The following ALDH1A1 variants were observed in gnomAD, a reference collection of about 807,000 sequenced individuals.
ALDH1A1 encodes the protein aldehyde dehydrogenase 1A1.
Under a neutral mutation model 62.1 loss-of-function variants are expected in ALDH1A1, and 19 were observed. The observed-to-expected ratio is 0.31, with a 90% CI of 0.21 to 0.45. The LOEUF is 0.45. ALDH1A1 is among the 20% of genes least tolerant of loss of function. ALDH1A1 has a pLI of 1.00. For synonymous variants in ALDH1A1, 231 were observed against 215.9 expected (o/e 1.07, Z -0.61); for missense variants, 521 against 607.1 (o/e 0.86, Z 1.49).
intron 8 of ALDH1A1, among the ~76,000 whole-genome samples, chr9:72,917,354 C>T (rs1049836500): frequency 6.6e-6 from 1 of 151,722 alleles, no homozygotes; most frequent in African/African-American, 2.4e-5. Flanking sequence ...ATGGACATCA[C>T]CAAGAATGTA....
intron 1 of ALDH1A1, among the ~76,000 whole-genome samples, chr9:72,945,632 G>A (rs762468895): frequency 6.6e-6 from 1 of 151,898 alleles, no homozygotes; most frequent in Non-Finnish European, 1.5e-5. Context: ...ACTAAAGGCC[G>A]CTGGGAGTCA....
intron 1 of ALDH1A1, among the ~76,000 whole-genome samples, chr9:72,944,278 T>C (rs1255693431): frequency 6.6e-6 from 1 of 152,058 alleles, no homozygotes; most frequent in East Asian, 1.9e-4. Context: ...TCACAGGCTT[T>C]TGAAGGAGAG....
intron 2 of ALDH1A1, among the ~76,000 whole-genome samples, chr9:72,939,193 C>T (rs907727722): frequency 4.7e-4 from 72 of 152,216 alleles, no homozygotes; most frequent in African/African-American, 1.7e-3. Context: ...TCTACTCTGC[C>T]ATCTCATCAT....
At chr9:72,917,350 A>G (rs1306235797) in intron 8 of ALDH1A1, among the ~76,000 whole-genome samples, 1 of 152,136 alleles carries the variant, frequency 6.6e-6, no homozygotes, top group African/African-American at 2.4e-5. Context: ...TAATATGGAC[A>G]TCACCAAGAA....
intron 1 of ALDH1A1, among the ~76,000 whole-genome samples, chr9:72,941,961 A>G (rs1415577061): frequency 6.6e-6 from 1 of 152,166 alleles, no homozygotes; most frequent in Non-Finnish European, 1.5e-5. Flanking sequence ...TAGATGTGCA[A>G]AAATACATAT....
chr9:72,911,902 A>C (rs372316685), intron 10 of ALDH1A1, 56 bp downstream of exon 10: 1 of 1,597,204 alleles, frequency 6.3e-7, no homozygotes, highest in Non-Finnish European at 8.6e-7. Context: ...CTTTGTATAC[A>C]CACAAACAGA....
intron 7 of ALDH1A1, among the ~76,000 whole-genome samples, chr9:72,921,943 G>A (rs1215873561): frequency 6.6e-6 from 1 of 152,040 alleles, no homozygotes; most frequent in African/African-American, 2.4e-5. Flanking sequence ...GAGAGGGAAC[G>A]TGTGGGAGCA....
chr9:72,906,109 T>C, intron 11 of ALDH1A1, 77 bp from the exon 12 acceptor site: 2 of 1,059,638 alleles, frequency 1.9e-6, no homozygotes, highest in Non-Finnish European at 2.8e-6. Context: ...TTTTAGAAAT[T>C]TGGAAAGCTC....
At chr9:72,918,948 C>CT (rs889147224) in intron 7 of ALDH1A1, 126 bp from the exon 8 acceptor site, 3,157 of 554,126 alleles carry the variant, frequency 5.7e-3, no homozygotes, top group South Asian at 0.011. Context: ...CACCAAATGG[C>CT]TTTTTTTTTT....
chr9:72,920,990 GT>G (rs369603608), intron 7 of ALDH1A1, among the ~76,000 whole-genome samples: 2 of 152,214 alleles, frequency 1.3e-5, no homozygotes, highest in African/African-American at 4.8e-5. Flanking sequence ...GCTCACGCCT[GT>G]AATCCCAGCA....
intron 2 of ALDH1A1, among the ~76,000 whole-genome samples, chr9:72,934,990 C>T (rs1279647988): frequency 6.6e-6 from 1 of 152,128 alleles, no homozygotes; most frequent in Non-Finnish European, 1.5e-5. Flanking sequence ...TCTGGGTCTA[C>T]AATGGGCAAT....
chr9:72,927,872 G>C (rs538909481), intron 4 of ALDH1A1, among the ~76,000 whole-genome samples: 54 of 151,658 alleles, frequency 3.6e-4, no homozygotes, highest in Non-Finnish European at 6.6e-4. Context: ...ATCTAAATTT[G>C]ACCAATTTAT....
At chr9:72,931,946 T>A (rs1375787185) in intron 2 of ALDH1A1, among the ~76,000 whole-genome samples, 2 of 152,258 alleles carry the variant, frequency 1.3e-5, no homozygotes, top group Non-Finnish European at 2.9e-5. Flanking sequence ...ACTCAATTTC[T>A]TTCTCTGTTG....
chr9:72,932,083 C>A (rs201447684), intron 2 of ALDH1A1, among the ~76,000 whole-genome samples: 3 of 152,194 alleles, frequency 2.0e-5, no homozygotes, highest in Admixed American at 6.5e-5. Context: ...ACAGAACATA[C>A]CTACTACTAC....
In ALDH1A1 at chr9:72,928,985, T is replaced by G. The variant is rs771830533; in HGVS notation, c.349A>C (p.Asn117His). 17 of 1,613,762 alleles carry G rather than the reference T, an allele frequency of 1.1e-5. No homozygotes were observed. Among genetic ancestry groups the G allele is most frequent in the Non-Finnish European group, 1.4e-5 (16 of 1,179,856 alleles). The stretch of plus-strand genomic sequence containing the variant: ...CCTGCTAAATCATTCAGATATGCAT[T>G]GGAATAGAGTTTTCCACCATTCATT... ...ESMNGGKLYS[N>H]AYLNDLAGCI... The change falls in exon 4 of 13, where the codon AAT becomes CAT. Residue 117 changes from asparagine to histidine, a missense_variant. By Grantham distance (68) the Asn-to-His change is moderately conservative. Coordinates refer to ENST00000297785, the MANE Select transcript of ALDH1A1 (RefSeq NM_000689.5).
chr9:72,918,796 G>A lies in ALDH1A1; in HGVS notation c.774C>T (p.Ala258=). 4 of 1,613,790 alleles carry A rather than the reference G, an allele frequency of 2.5e-6. No homozygotes were observed. The highest frequency in any genetic ancestry group is 3.4e-6 in the Non-Finnish European group (4 of 1,179,896). Residue 258 remains alanine, a synonymous_variant, in exon 8 of 13, where the codon GCC becomes GCT. Coordinates refer to ENST00000297785, the MANE Select transcript of ALDH1A1 (RefSeq NM_000689.5). The stretch of plus-strand genomic sequence containing the variant: ...TCACCCTCTTCAGATTGCTTTTCCC[G>A]GCAGCTTCTTTGATCAACTTGCCAA... The part of the protein sequence containing the change: ...TEVGKLIKEA[A]GKSNLKRVTL...
chr9:72,932,445 C>A (rs1403574333), intron 2 of ALDH1A1, among the ~76,000 whole-genome samples: 5 of 152,078 alleles, frequency 3.3e-5, no homozygotes, highest in Non-Finnish European at 2.9e-5. Flanking sequence ...GTATTTATCA[C>A]CAAAATAATA....
At chr9:72,908,499 A>T (rs1829910793) in intron 11 of ALDH1A1, among the ~76,000 whole-genome samples, 1 of 106,128 alleles carries the variant, frequency 9.4e-6, no homozygotes, top group Non-Finnish European at 1.9e-5. Flanking sequence ...AAAGAGAGAG[A>T]GAGAGACGAA....
chr9:72,903,012 C>A (rs538088790), intron 12 of ALDH1A1, among the ~76,000 whole-genome samples: 1 of 151,212 alleles, frequency 6.6e-6, no homozygotes, highest in Admixed American at 6.6e-5. Flanking sequence ...GATTTCCTCT[C>A]TGTACCCAGG....
Sources: allele counts gnomAD v4.1 joint callset (sites outside exome capture counted in the v4.1 genomes callset), GRCh38; gene constraint gnomAD v4.1.1; transcripts MANE v1.5; gene names NCBI Gene and HGNC (gene_info 2026-07-23, HGNC 2026-07-21).